Variants in RIT2 observed in about 807,000 individuals in gnomAD.
The protein encoded by RIT2 is Ras like without CAAX 2.
Under a neutral mutation model 23.7 loss-of-function variants are expected in RIT2, and 24 were observed. The ratio of observed to expected loss-of-function variants is 1.01; its 90% CI spans 0.73 to 1.43. RIT2 has a LOEUF of 1.43. Among genes scored for constraint, RIT2 ranks in the 40% most tolerant of loss-of-function variants. RIT2 has a pLI of 0.00. For synonymous variants in RIT2, 107 were observed against 91.1 expected, an observed-to-expected ratio of 1.17 and a Z score of -0.99; for missense variants, 236 against 266.9, an observed-to-expected ratio of 0.88 and a Z score of 0.81.
intron 4 of RIT2, among the ~76,000 whole-genome samples, chr18:42,875,704 A>G (rs1459427893): frequency 1.3e-5 from 2 of 152,042 alleles, no homozygotes; most frequent in South Asian, 2.1e-4. Context: ...GGAAAATATA[A>G]TAGACCTATC....
At chr18:42,793,705 G>A (rs1914092602) in intron 4 of RIT2, among the ~76,000 whole-genome samples, 1 of 152,118 alleles carries the variant, frequency 6.6e-6, no homozygotes, top group African/African-American at 2.4e-5. Context: ...AGGGAAAAAA[G>A]ACTAAGAAGG....
chr18:42,966,178 T>G (rs1398257746), intron 3 of RIT2, among the ~76,000 whole-genome samples: 1 of 152,178 alleles, frequency 6.6e-6, no homozygotes, highest in Non-Finnish European at 1.5e-5. Flanking sequence ...CTTCAGAGTT[T>G]CTGCCGAGAA....
intron 4 of RIT2, among the ~76,000 whole-genome samples, chr18:42,807,330 T>A (rs961623918): frequency 1.3e-5 from 2 of 152,186 alleles, no homozygotes; most frequent in South Asian, 4.1e-4. Flanking sequence ...TTTTAAAATA[T>A]AGTAGGCTGG....
chr18:42,823,583 T>G (rs1449589816), intron 4 of RIT2, among the ~76,000 whole-genome samples: 4 of 152,190 alleles, frequency 2.6e-5, no homozygotes, highest in Admixed American at 2.6e-4. Flanking sequence ...CTGCCTAATA[T>G]GCTTGTGCCT....
chr18:42,764,391 T>C (rs1270811324), intron 4 of RIT2, among the ~76,000 whole-genome samples: 1 of 152,088 alleles, frequency 6.6e-6, no homozygotes, highest in Non-Finnish European at 1.5e-5. Context: ...TTTCCAAGAG[T>C]AGAACCAACA....
intron 4 of RIT2, among the ~76,000 whole-genome samples, chr18:42,746,429 G>T (rs1912918093): frequency 6.6e-6 from 1 of 151,446 alleles, no homozygotes; most frequent in Admixed American, 6.6e-5. Context: ...AAATTTGAAT[G>T]GAAATTTACA....
Position 42,882,156 on chromosome 18 carries a change from T to C in RIT2, c.426+41416A>G, listed in dbSNP as rs562054783. 3.3e-5 allele frequency among the ~76,000 whole-genome samples: 5 copies of C among 152,340 alleles called. No homozygotes were observed. The South Asian group carries it at 1.0e-3, about 32-fold the overall frequency. On this transcript the variant is annotated intron_variant, in intron 4 of 4. Transcript: ENST00000326695. ...TCAAGTTTATAGCTGGGTACTAAGA[T>C]ACAGGCTTAACGGATTAGTATTCAA...
At chr18:42,880,901 G>A (rs1440841611) in intron 4 of RIT2, among the ~76,000 whole-genome samples, 2 of 143,960 alleles carry the variant, frequency 1.4e-5, no homozygotes, top group Non-Finnish European at 3.0e-5. Context: ...TCCACCTCCC[G>A]GGTTCCAGCA....
At chr18:42,994,939 C>T (rs999313594) in intron 2 of RIT2, among the ~76,000 whole-genome samples, 1 of 152,182 alleles carries the variant, frequency 6.6e-6, no homozygotes, top group Non-Finnish European at 1.5e-5. Context: ...GCCCGGACTT[C>T]AATCCGGCCT....
At chr18:42,902,163 A>G (rs1466369317) in intron 4 of RIT2, among the ~76,000 whole-genome samples, 1 of 151,888 alleles carries the variant, frequency 6.6e-6, no homozygotes, top group Non-Finnish European at 1.5e-5. Context: ...TTTAAAAATT[A>G]TACCTTAATT....
chr18:42,915,398 A>T (rs544809383), intron 4 of RIT2, among the ~76,000 whole-genome samples: 1 of 152,192 alleles, frequency 6.6e-6, no homozygotes, highest in East Asian at 1.9e-4. Flanking sequence ...TAAAAATTAC[A>T]AAAGGTTAGT....
chr18:42,780,837 A>C (rs1177008808), intron 4 of RIT2, among the ~76,000 whole-genome samples: 1 of 115,580 alleles, frequency 8.7e-6, no homozygotes, highest in East Asian at 2.5e-4. Flanking sequence ...TTTTTTTTTT[A>C]CCCATTGGCC....
At chr18:42,877,571 T>A (rs956144396) in intron 4 of RIT2, among the ~76,000 whole-genome samples, 10 of 150,758 alleles carry the variant, frequency 6.6e-5, no homozygotes, top group Admixed American at 6.0e-4. Flanking sequence ...CATATCTATA[T>A]ACAAATAAAG....
At chr18:43,071,165 GC>G (rs1437275903) in intron 1 of RIT2, among the ~76,000 whole-genome samples, 3 of 152,094 alleles carry the variant, frequency 2.0e-5, no homozygotes, top group African/African-American at 7.2e-5. Context: ...TGCGAGGTTT[GC>G]TTTAGTGGTT....
chr18:43,115,270 A>T, intron 1 of RIT2, 147 bp downstream of exon 1: 1 of 955,654 alleles, frequency 1.0e-6, no homozygotes, highest in Non-Finnish European at 1.6e-6. Flanking sequence ...CAGTCCTGAC[A>T]CTTTGGAGCA....
chr18:42,825,926 C>T (rs1441969518), intron 4 of RIT2, among the ~76,000 whole-genome samples: 1 of 151,896 alleles, frequency 6.6e-6, no homozygotes, highest in African/African-American at 2.4e-5. Flanking sequence ...TAATTCTTGA[C>T]TATATAAATG....
chr18:43,094,805 G>A (rs181855609), intron 1 of RIT2, among the ~76,000 whole-genome samples: 6 of 152,172 alleles, frequency 3.9e-5, no homozygotes, highest in Admixed American at 3.9e-4. Context: ...GTGAGAACAT[G>A]TGGTGTTTGG....
intron 1 of RIT2, among the ~76,000 whole-genome samples, chr18:43,056,318 A>T (rs1912501608): frequency 6.6e-6 from 1 of 152,120 alleles, no homozygotes; most frequent in South Asian, 2.1e-4. Context: ...AGCTAAGCCA[A>T]CACTGTGAAA....
intron 4 of RIT2, among the ~76,000 whole-genome samples, chr18:42,840,442 G>A (rs1906732261): frequency 6.6e-6 from 1 of 152,126 alleles, no homozygotes; most frequent in South Asian, 2.1e-4. Context: ...AGAACTTACT[G>A]TATGGCAATA....
Sources: gnomAD v4.1 joint callset for allele counts (sites outside exome capture counted in the v4.1 genomes callset) on GRCh38, gnomAD v4.1.1 for gene constraint, MANE v1.5 for transcripts, NCBI Gene and HGNC (gene_info 2026-07-23, HGNC 2026-07-21) for gene names.